Variants in ADCY4 observed in about 807,000 individuals in gnomAD.
ADCY4 encodes the protein adenylate cyclase type 4.
ADCY4 carries 111 observed loss-of-function variants against 125.5 expected under a neutral mutation model. The observed-to-expected ratio is 0.88, with a 90% CI of 0.76 to 1.04. The LOEUF (loss-of-function observed/expected upper bound fraction) is 1.04, where lower values mean the gene tolerates loss of function less well. Ranked by LOEUF, ADCY4 falls within the 50% of genes least tolerant of loss-of-function variation. The pLI is 0.00. For synonymous variants in ADCY4, 576 were observed against 586.9 expected (o/e 0.98, Z 0.27); for missense variants, 1,256 against 1,382.9 (o/e 0.91, Z 1.46).
Position 24,334,661 on chromosome 14 carries a change from C to A in ADCY4, c.-9G>T, listed in dbSNP as rs777383878. 1.3e-6 allele frequency: 2 copies of A among 1,535,116 alleles called. No homozygotes were observed. The highest frequency in any genetic ancestry group is 1.7e-6 in the Non-Finnish European group (2 of 1,143,204). On this transcript the variant is annotated 5_prime_UTR_variant, in exon 1 of 25. Coordinates refer to ENST00000418030, the MANE Select transcript of ADCY4 (RefSeq NM_001198568.2). The stretch of plus-strand genomic sequence containing the variant: ...CTGAAGAGGCGGGCCATGATCTCCC[C>A]AGCCCCGAGCCCCGGGGCTGGCTAG...
intron 10 of ADCY4, 25 bp downstream of exon 10, chr14:24,329,036 G>A: frequency 6.2e-7 from 1 of 1,608,228 alleles, no homozygotes; most frequent in Non-Finnish European, 8.5e-7. Context: ...CTAAGCTCTG[G>A]GGCTCAGGAT....
Position 24,323,135 on chromosome 14 carries a change from A to AG in ADCY4, c.2158-48dup, listed in dbSNP as rs760645487. 2.5e-6 allele frequency: 4 copies of AG among 1,593,480 alleles called. No homozygotes were observed. In the African/African-American group the frequency reaches 5.4e-5, roughly 21 times the overall value. On this transcript the variant is annotated intron_variant, in intron 17 of 24. Coordinates refer to ENST00000418030, the MANE Select transcript of ADCY4 (RefSeq NM_001198568.2). ...AGGAGTGGGCATGTCCCATAGGCAGAGGGGGGACACCTGAGGGCTCCCTTC... is the reference window on the plus strand; with the variant it reads ...AGGAGTGGGCATGTCCCATAGGCAGAGGGGGGGACACCTGAGGGCTCCCTTC...
intron 19 of ADCY4, 178 bp from the exon 20 acceptor site, chr14:24,322,402 T>A: frequency 1.1e-6 from 1 of 869,662 alleles, no homozygotes; most frequent in Non-Finnish European, 1.7e-6. Context: ...AGATTCAGAC[T>A]AGGGATAGAG....
chr14:24,323,428 G>A lies in ADCY4; in HGVS notation c.2073C>T (p.Cys691=). 1 of 1,554,844 alleles carries A rather than the reference G, an allele frequency of 6.4e-7. No individual in the cohort carries two copies. The highest frequency in any genetic ancestry group is 8.7e-7 in the Non-Finnish European group (1 of 1,148,320). The change falls in exon 17 of 25, where the codon TGC becomes TGT. Residue 691 remains cysteine (C), a synonymous_variant. Coordinates refer to ENST00000418030, the MANE Select transcript of ADCY4 (RefSeq NM_001198568.2). ...AGGACACATTGGGAGCTTGGAAAGG[G>A]CAGTCTGATGATGTTGGGAAGAAGA... The part of the protein sequence containing the change: ...SLFFFPTSSD[C]PFQAPNVSSM...
Position 24,319,600 on chromosome 14 carries a change from G to T in ADCY4, c.2733+142C>A. 8.0e-7 allele frequency: 1 copy of T among 1,252,230 alleles called. No individual in the cohort carries two copies. The highest frequency in any genetic ancestry group is 1.1e-6 in the Non-Finnish European group (1 of 877,216). 77.6% of individuals were successfully genotyped at this position (1,252,230 alleles called of 1,614,324 possible). On this transcript the variant is annotated intron_variant, in intron 21 of 24. Coordinates refer to ENST00000418030, the MANE Select transcript of ADCY4 (RefSeq NM_001198568.2). The surrounding 1 kb of genome is among the most constrained non-coding windows in gnomAD (Gnocchi z 4.5). ...GTGGGCAGTGTTGCTGGAGTGGGTAGATCTGGGGGATCAGAGGAGGTGAGG... is the reference window on the plus strand; with the variant it reads ...GTGGGCAGTGTTGCTGGAGTGGGTATATCTGGGGGATCAGAGGAGGTGAGG...
intron 4 of ADCY4, 194 bp from the exon 5 acceptor site, chr14:24,331,550 T>A (rs2042041622): frequency 1.1e-6 from 1 of 877,816 alleles, no homozygotes; most frequent in Non-Finnish European, 1.7e-6. Flanking sequence ...AAACTCCCAG[T>A]ATCAACACCT....
Position 24,322,647 on chromosome 14 carries a change from T to TGAA in ADCY4, c.2401_2403dup (p.Phe801dup), listed in dbSNP as rs766852715. On this transcript the variant is annotated inframe_insertion, in exon 19 of 25. Transcript: ENST00000418030. ...ACCTGGCGAGCCAGGACAAGGAGGGTGAAGAAGAAGATGAAGAAGGAGATA... is the reference window on the plus strand; with the variant it reads ...ACCTGGCGAGCCAGGACAAGGAGGGTGAAGAAGAAGAAGATGAAGAAGGAGATA... 1.9e-6 allele frequency: 3 copies of TGAA among 1,613,716 alleles called. No individual in the cohort carries two copies. The East Asian group carries it at 6.7e-5, about 36-fold the overall frequency.
chr14:24,323,215 G>T (rs1349234753), intron 17 of ADCY4, 127 bp from the exon 18 acceptor site: 21 of 1,381,824 alleles, frequency 1.5e-5, no homozygotes, highest in Non-Finnish European at 1.9e-5. Context: ...CATACACACT[G>T]ATACACACTG....
rs759510834 is a variant in ADCY4, at chr14:24,332,610, G to A, written c.431C>T (p.Ala144Val). Residue 144 changes from alanine to valine, a missense_variant, in exon 3 of 25, where the codon GCG (alanine) becomes GTG (valine). Physicochemically the swap from Ala to Val is moderately conservative, Grantham distance 64 (BLOSUM62 0). Coordinates refer to ENST00000418030, the MANE Select transcript of ADCY4 (RefSeq NM_001198568.2). The stretch of plus-strand genomic sequence containing the variant: ...ATGCGAGAGTGAGGAGGCGAGGCCC[G>A]CGACGGCGGCGTCCCGCATGCCCAA... ...LPLGMRDAAV[A>V]GLASSLSHLL... 5 of 1,579,644 alleles carry A rather than the reference G, an allele frequency of 3.2e-6. No individual in the cohort carries two copies. The South Asian group carries it at 3.5e-5, about 11-fold the overall frequency.
intron 17 of ADCY4, 79 bp from the exon 18 acceptor site, chr14:24,323,167 C>T: frequency 6.6e-7 from 1 of 1,520,534 alleles, no homozygotes. Flanking sequence ...CTTCCTGTCC[C>T]TCCCAGGCCC....
intron 6 of ADCY4, 68 bp from the exon 7 acceptor site, chr14:24,330,363 A>G (rs867015871): frequency 1.2e-6 from 2 of 1,601,584 alleles, no homozygotes; most frequent in Non-Finnish European, 8.5e-7. Context: ...GGGAGTTGGG[A>G]AAAGTGGGCA....
rs2041822348 is a variant in ADCY4 at position 24,319,637 on chromosome 14, A to G, written c.2733+105T>C. 3 of 1,441,418 alleles carry G rather than the reference A, an allele frequency of 2.1e-6. No homozygotes were observed. The highest frequency in any genetic ancestry group is 2.9e-6 in the Non-Finnish European group (3 of 1,036,258). 89.3% of individuals were successfully genotyped at this position (1,441,418 alleles called of 1,614,324 possible). On this transcript the variant is annotated intron_variant, in intron 21 of 24. Transcript: ENST00000418030. This position sits in a 1 kb window ranked among gnomAD's most constrained non-coding sequence, Gnocchi z 4.5. ...CAGAGGAGGTGAGGGAGTACTGTGGAGGGGAGGATTGACTTCATGGCCAGA... is the reference window on the plus strand; with the variant it reads ...CAGAGGAGGTGAGGGAGTACTGTGGGGGGGAGGATTGACTTCATGGCCAGA...
chr14:24,329,797 A>T lies in ADCY4; in HGVS notation c.1217+63T>A, dbSNP rs978311012. On this transcript the variant is annotated intron_variant, in intron 8 of 24. Coordinates refer to ENST00000418030, the MANE Select transcript of ADCY4 (RefSeq NM_001198568.2). ...CTTATCTTAAGGAACTAATGAAAGG[A>T]TGGCAGCCTGTGGTAGGCCTGGTTG... The T allele has an allele frequency of 1.9e-6, 3 of 1,574,310 alleles. No individual in the cohort carries two copies. In the Admixed American group the frequency reaches 5.2e-5, roughly 27 times the overall value.
intron 14 of ADCY4, 63 bp downstream of exon 14, chr14:24,325,314 G>A: frequency 7.1e-7 from 1 of 1,403,078 alleles, no homozygotes; most frequent in Non-Finnish European, 1.0e-6. Flanking sequence ...GTGGCCCGGG[G>A]TCATGAGGGC....
chr14:24,325,705 C>A, intron 13 of ADCY4, 113 bp downstream of exon 13: 1 of 1,283,582 alleles, frequency 7.8e-7, no homozygotes, highest in Admixed American at 2.0e-5. Context: ...GCTCCTCACC[C>A]CTAGGATCAC....
chr14:24,322,034 C>T (rs376266704), intron 20 of ADCY4, 32 bp downstream of exon 20: 51 of 1,587,554 alleles, frequency 3.2e-5, no homozygotes, highest in African/African-American at 9.4e-5. Context: ...CTATGGCATC[C>T]GTGGCTCAGG....
In ADCY4 at chr14:24,325,454, G is replaced by A. The variant is rs375378962; in HGVS notation, c.1746C>T (p.Pro582=). ...MEKEYRLSAI[P]AFKYYEACTF... ...TGCAGGCTTCATAGTATTTGAAGGC[G>A]GGGATTGCAGAGAGTCGGTACTGAA... Residue 582 remains proline (P), a synonymous_variant, in exon 14 of 25, where the codon CCC becomes CCT. Transcript: ENST00000418030. 62 of 1,613,644 alleles carry A rather than the reference G, an allele frequency of 3.8e-5. 1 individual carries two copies. The highest frequency in any genetic ancestry group is 3.7e-4 in the South Asian group (34 of 91,072).
chr14:24,319,700 G>A lies in ADCY4; in HGVS notation c.2733+42C>T. ...AAGGAGGTACTGGTGGAAAATTCTA[G>A]AATCTAGGACATAGGGTCTGGGAGA... is the stretch of plus-strand genomic sequence containing the variant. On this transcript the variant is annotated intron_variant, in intron 21 of 24. Transcript: ENST00000418030. The surrounding 1 kb of genome is among the most constrained non-coding windows in gnomAD (Gnocchi z 4.5). 1 of 1,611,884 alleles carries A rather than the reference G, an allele frequency of 6.2e-7. No homozygotes were observed. The highest frequency in any genetic ancestry group is 8.5e-7 in the Non-Finnish European group (1 of 1,179,296).
rs911211404 is a variant in ADCY4 at position 24,318,454 on chromosome 14, A to C, written c.3196T>G (p.Leu1066Val). Residue 1066 changes from leucine (L) to valine (V), a missense_variant, in exon 25 of 25, where the codon TTG (leucine) becomes GTG (valine). Transcript: ENST00000418030. Reference sequence around the variant, plus strand: ...GCTGAAGGAGGTCCAGTTCGTGTCAAGTCTGTGTTCAGGAAGTAGGTGCAG... The same window carrying C: ...GCTGAAGGAGGTCCAGTTCGTGTCACGTCTGTGTTCAGGAAGTAGGTGCAG... ...QLCTYFLNTDLTRTGPPSATL... is the reference protein window; with the variant it reads ...QLCTYFLNTDVTRTGPPSATL... 4 of 1,614,068 alleles carry C rather than the reference A, an allele frequency of 2.5e-6. No individual in the cohort carries two copies. Among genetic ancestry groups the C allele is most frequent in the Middle Eastern group, 3.3e-4 (2 of 6,084 alleles).
Sources: allele counts gnomAD v4.1 joint callset, GRCh38; gene constraint gnomAD v4.1.1; non-coding constraint Gnocchi (gnomAD v3.1); transcripts MANE v1.5; gene names NCBI Gene and HGNC (gene_info 2026-07-23, HGNC 2026-07-21).